The following CHCHD3 variants were observed in gnomAD, a reference collection of about 807,000 sequenced individuals.
CHCHD3 encodes the protein MICOS complex subunit MIC19.
A neutral mutation model predicts 38.2 loss-of-function variants in CHCHD3; 20 were observed. That is an observed-to-expected ratio of 0.52 (90% CI 0.37 to 0.76). The LOEUF (loss-of-function observed/expected upper bound fraction) is 0.76. CHCHD3 is among the 30% of genes least tolerant of loss of function. CHCHD3 has a pLI of 0.00. For synonymous variants in CHCHD3, 82 were observed against 100.0 expected, an observed-to-expected ratio of 0.82 and a Z score of 1.07; for missense variants, 245 against 279.2, an observed-to-expected ratio of 0.88 and a Z score of 0.87.
At chr7:132,897,378 A>C (rs1348027755) in intron 4 of CHCHD3, among the ~76,000 whole-genome samples, 1 of 144,434 alleles carries the variant, frequency 6.9e-6, no homozygotes, top group African/African-American at 2.5e-5. Context: ...TGTTCAATTT[A>C]AATTTAGACT....
At chr7:132,934,357 C>T (rs190880970) in intron 4 of CHCHD3, among the ~76,000 whole-genome samples, 4 of 152,310 alleles carry the variant, frequency 2.6e-5, no homozygotes, top group Admixed American at 6.5e-5. Context: ...TGGGCTCACA[C>T]ATTGAGGATC....
At chr7:133,025,049 C>A (rs1813299013) in intron 2 of CHCHD3, among the ~76,000 whole-genome samples, 1 of 152,158 alleles carries the variant, frequency 6.6e-6, no homozygotes, top group Admixed American at 6.5e-5. Context: ...AAACAACTAA[C>A]AAAATCATGT....
chr7:132,795,901 C>T (rs867523090), intron 7 of CHCHD3, among the ~76,000 whole-genome samples: 10 of 152,216 alleles, frequency 6.6e-5, no homozygotes, highest in Non-Finnish European at 1.5e-4. Context: ...AAGAATATGG[C>T]TATGGTCTAT....
intron 2 of CHCHD3, among the ~76,000 whole-genome samples, chr7:133,042,168 G>A (rs1257357546): frequency 6.6e-6 from 1 of 152,104 alleles, no homozygotes; most frequent in African/African-American, 2.4e-5. Context: ...AGATGTAAAT[G>A]GAGAACTATA....
chr7:133,059,022 C>T (rs1814422031), intron 2 of CHCHD3, among the ~76,000 whole-genome samples: 1 of 152,168 alleles, frequency 6.6e-6, no homozygotes, highest in Non-Finnish European at 1.5e-5. Flanking sequence ...ACCCAGAAGC[C>T]AAACCAAACC....
chr7:132,935,931 A>G (rs1016864967), intron 4 of CHCHD3, among the ~76,000 whole-genome samples: 1 of 152,142 alleles, frequency 6.6e-6, no homozygotes, highest in Non-Finnish European at 1.5e-5. Flanking sequence ...GTGAGCACAC[A>G]AAACAGAGAG....
intron 3 of CHCHD3, among the ~76,000 whole-genome samples, chr7:133,013,767 A>C (rs1289982306): frequency 6.6e-6 from 1 of 152,148 alleles, no homozygotes; most frequent in Non-Finnish European, 1.5e-5. Context: ...AGAATGTATA[A>C]ATGATTTTGT....
intron 4 of CHCHD3, among the ~76,000 whole-genome samples, chr7:132,926,570 C>T (rs1425073769): frequency 6.6e-6 from 1 of 152,142 alleles, no homozygotes; most frequent in East Asian, 1.9e-4. Context: ...AGATAATGTA[C>T]ATATTTGCAT....
At chr7:133,073,367 T>A (rs1010774952) in intron 1 of CHCHD3, among the ~76,000 whole-genome samples, 1 of 152,178 alleles carries the variant, frequency 6.6e-6, no homozygotes, top group Non-Finnish European at 1.5e-5. Context: ...GTTGATAAAC[T>A]AATAAATTCC....
At chr7:133,055,786 T>C (rs1312400738) in intron 2 of CHCHD3, among the ~76,000 whole-genome samples, 1 of 151,822 alleles carries the variant, frequency 6.6e-6, no homozygotes, top group African/African-American at 2.4e-5. Context: ...TTGGAGGTGA[T>C]ATCTCTCCCT....
rs1216356885 is a variant in CHCHD3 at position 132,885,895 on chromosome 7, T to C, written c.370-150A>G. 45 of 513,912 alleles carry C rather than the reference T, an allele frequency of 8.8e-5. No individual in the cohort carries two copies. In the East Asian group the frequency reaches 1.5e-3, roughly 17 times the overall value. The allele number at this position is 513,912 out of a possible 1,614,324, so 31.8% of individuals were successfully genotyped here. A position where few individuals can be genotyped will look rare whatever the true frequency, so the allele number is the denominator to read the frequency against. On this transcript the variant is annotated intron_variant, in intron 4 of 7. Coordinates refer to ENST00000262570, the MANE Select transcript of CHCHD3 (RefSeq NM_017812.4). ...CTGCCATAGAAAAACATTAAGATGA[T>C]GATTGCTGTATTTAAATGTAAAGAA...
chr7:132,863,909 C>A (rs1373489677), intron 5 of CHCHD3, among the ~76,000 whole-genome samples: 1 of 152,184 alleles, frequency 6.6e-6, no homozygotes, highest in Non-Finnish European at 1.5e-5. Context: ...TAGGGTCTTA[C>A]TCTAGATTAG....
intron 4 of CHCHD3, among the ~76,000 whole-genome samples, chr7:132,895,455 G>A (rs1184723172): frequency 3.3e-5 from 5 of 152,238 alleles, no homozygotes; most frequent in African/African-American, 9.6e-5. Flanking sequence ...TTGCCTAGGA[G>A]GCAAAATCGC....
intron 5 of CHCHD3, among the ~76,000 whole-genome samples, chr7:132,884,018 G>A (rs1442983955): frequency 2.0e-5 from 3 of 151,906 alleles, no homozygotes; most frequent in Admixed American, 6.6e-5. Context: ...TTAAAATACC[G>A]AACCACATTT....
intron 4 of CHCHD3, chr7:132,886,953 G>A: frequency 1.5e-6 from 2 of 1,294,468 alleles, no homozygotes; most frequent in Non-Finnish European, 2.0e-6. Flanking sequence ...CACATTTATA[G>A]GTTATTGTTT....
intron 4 of CHCHD3, among the ~76,000 whole-genome samples, chr7:132,959,804 T>C (rs1811268372): frequency 6.6e-6 from 1 of 151,904 alleles, no homozygotes; most frequent in Admixed American, 6.6e-5. Context: ...CAATTTCTAG[T>C]TATTTTACAA....
At chr7:132,883,059 G>GA (rs1191834892) in intron 5 of CHCHD3, among the ~76,000 whole-genome samples, 1 of 152,118 alleles carries the variant, frequency 6.6e-6, no homozygotes, top group Non-Finnish European at 1.5e-5. Flanking sequence ...GCCACCATGT[G>GA]AAAAAGGTGC....
chr7:132,993,757 T>C (rs1315432230), intron 3 of CHCHD3, among the ~76,000 whole-genome samples: 2 of 152,162 alleles, frequency 1.3e-5, no homozygotes, highest in South Asian at 2.1e-4. Context: ...GACAGGGACA[T>C]GAAAACCAAA....
rs186384219 is a variant in CHCHD3 at position 132,861,764 on chromosome 7, A to G, written c.454-23295T>C. On this transcript the variant is annotated intron_variant, in intron 5 of 7. Transcript: ENST00000262570. ...TCCAATAAAACTATTTATGGACACT[A>G]AAATTTGAATTTCATAGAATTGTTG... Among the ~76,000 whole-genome samples the G allele has an allele frequency of 7.9e-4, 121 of 152,324 alleles. 1 individual carries two copies. The highest frequency in any genetic ancestry group is 3.0e-3 in the Admixed American group (46 of 15,298).
Sources: allele counts gnomAD v4.1 joint callset (sites outside exome capture counted in the v4.1 genomes callset), GRCh38; gene constraint gnomAD v4.1.1; transcripts MANE v1.5; gene names NCBI Gene and HGNC (gene_info 2026-07-23, HGNC 2026-07-21).